Variants in FNDC3B observed in about 807,000 individuals in gnomAD.
FNDC3B encodes fibronectin type III domain containing 3B.
In FNDC3B, 12 loss-of-function variants were observed where a neutral mutation model predicts 151.5. That is an observed-to-expected ratio of 0.08 (90% CI 0.05 to 0.13). The LOEUF is 0.13. Among genes scored for constraint, FNDC3B ranks in the 10% least tolerant of loss-of-function variants. The pLI is 1.00. For synonymous variants in FNDC3B, 528 were observed against 549.0 expected (o/e 0.96, Z 0.54); for missense variants, 1,214 against 1,505.3 (o/e 0.81, Z 3.20).
chr3:172,072,048 T>G (rs1717806400), intron 1 of FNDC3B, among the ~76,000 whole-genome samples: 1 of 151,068 alleles, frequency 6.6e-6, no homozygotes. Context: ...AGTTCATATG[T>G]CGGAAACTCA....
At chr3:172,229,932 T>C (rs1418413487) in intron 4 of FNDC3B, among the ~76,000 whole-genome samples, 1 of 152,056 alleles carries the variant, frequency 6.6e-6, no homozygotes, top group East Asian at 1.9e-4. Context: ...TTTCAATAAA[T>C]GGTGCTGGAA....
intron 3 of FNDC3B, among the ~76,000 whole-genome samples, chr3:172,190,373 A>G (rs1016507967): frequency 6.6e-6 from 1 of 152,232 alleles, no homozygotes; most frequent in South Asian, 2.1e-4. Context: ...AGATGACTCA[A>G]CAGCTATGGG....
intron 23 of FNDC3B, among the ~76,000 whole-genome samples, chr3:172,375,831 G>C (rs1735106350): frequency 6.6e-6 from 1 of 152,098 alleles, no homozygotes; most frequent in Non-Finnish European, 1.5e-5. Flanking sequence ...GGAGCACCTG[G>C]CTGCCAGTTC....
chr3:172,350,304 C>T (rs572829240), intron 21 of FNDC3B, among the ~76,000 whole-genome samples: 4 of 152,254 alleles, frequency 2.6e-5, no homozygotes, highest in South Asian at 2.1e-4. Flanking sequence ...AATTAACTAA[C>T]CTAAGATCAC....
chr3:172,083,795 AAAAG>A (rs1480540500), intron 1 of FNDC3B, among the ~76,000 whole-genome samples: 1 of 152,198 alleles, frequency 6.6e-6, no homozygotes, highest in Admixed American at 6.5e-5. Flanking sequence ...AAAAAATACT[AAAAG>A]AAATCAGGAA....
chr3:172,397,684 AG>A lies in FNDC3B; in HGVS notation c.*210del. The A allele has an allele frequency of 4.2e-6, 1 of 239,088 alleles. No individual in the cohort carries two copies. The highest frequency in any genetic ancestry group is 6.7e-6 in the Non-Finnish European group (1 of 149,772). The allele number at this position is 239,088 out of a possible 1,614,324, so 14.8% of individuals were successfully genotyped here. On this transcript the variant is annotated 3_prime_UTR_variant, in exon 26 of 26. Coordinates refer to ENST00000415807, the MANE Select transcript of FNDC3B (RefSeq NM_022763.4). ...AACTGGATTTTTTTTTTTAAAAAAA[AG>A]AAAAAAAAAGAAGAAAAGTATACCA...
intron 6 of FNDC3B, among the ~76,000 whole-genome samples, chr3:172,270,335 G>C (rs376634614): frequency 6.6e-6 from 1 of 152,124 alleles, no homozygotes; most frequent in Non-Finnish European, 1.5e-5. Flanking sequence ...TTTTCCTTTC[G>C]AACTTAGCAT....
rs557647485 is a variant in FNDC3B at position 172,268,537 on chromosome 3, A to G, written c.790+16996A>G. Among the ~76,000 whole-genome samples the G allele has an allele frequency of 2.0e-5, 3 of 152,362 alleles. No individual in the cohort carries two copies. The South Asian group carries it at 6.2e-4, about 32-fold the overall frequency. ...ACAGAGAACGGCAGATACAAATACC[A>G]TGACACTCTGTACATGGGAATAGAG... On this transcript the variant is annotated intron_variant, in intron 6 of 25. Transcript: ENST00000415807.
chr3:172,392,598 G>A (rs144976691), intron 25 of FNDC3B, among the ~76,000 whole-genome samples: 126 of 152,062 alleles, frequency 8.3e-4, no homozygotes, highest in Non-Finnish European at 1.4e-3. Context: ...GGAATGTCCT[G>A]TTTCTTGGTG....
At chr3:172,299,532 C>CT (rs1029094441) in intron 9 of FNDC3B, among the ~76,000 whole-genome samples, 1 of 151,940 alleles carries the variant, frequency 6.6e-6, no homozygotes, top group Non-Finnish European at 1.5e-5. Flanking sequence ...ACTAAAAAAA[C>CT]TTTTTTTTAA....
chr3:172,247,925 T>G (rs768546264), intron 5 of FNDC3B, 149 bp downstream of exon 5: 4 of 833,254 alleles, frequency 4.8e-6, no homozygotes, highest in Non-Finnish European at 7.4e-6. Context: ...CTAGCTTCCT[T>G]TGTCCTGAAT....
intron 3 of FNDC3B, among the ~76,000 whole-genome samples, chr3:172,202,405 C>T (rs1725202003): frequency 6.6e-6 from 1 of 152,118 alleles, no homozygotes; most frequent in South Asian, 2.1e-4. Flanking sequence ...CTTGCTTTGG[C>T]TTTTTTTCGG....
chr3:172,263,649 C>A (rs1257250367), intron 6 of FNDC3B, among the ~76,000 whole-genome samples: 1 of 132,906 alleles, frequency 7.5e-6, no homozygotes, highest in Non-Finnish European at 1.5e-5. Context: ...ACTACTTACA[C>A]TATCATCCAT....
chr3:172,365,495 T>C (rs1734575837), intron 23 of FNDC3B, among the ~76,000 whole-genome samples: 1 of 152,210 alleles, frequency 6.6e-6, no homozygotes, highest in Admixed American at 6.5e-5. Context: ...GCATATTTCA[T>C]GTAAATAAAA....
intron 11 of FNDC3B, among the ~76,000 whole-genome samples, chr3:172,318,425 A>G (rs1731921172): frequency 6.6e-6 from 1 of 152,222 alleles, no homozygotes; most frequent in African/African-American, 2.4e-5. Context: ...GAAGATAATC[A>G]GTAAGAGATC....
chr3:172,306,708 G>A lies in FNDC3B; in HGVS notation c.1062-655G>A, dbSNP rs549461057. Reference sequence around the variant, plus strand: ...GGAGAAATCAAGCACATATGTTGCAGTGTTGAGCCAAACATTTTAGTGTAC... The same window carrying A: ...GGAGAAATCAAGCACATATGTTGCAATGTTGAGCCAAACATTTTAGTGTAC... On this transcript the variant is annotated intron_variant, in intron 9 of 25. Transcript: ENST00000415807. 2.0e-5 allele frequency among the ~76,000 whole-genome samples: 3 copies of A among 152,300 alleles called. No individual in the cohort carries two copies. The South Asian group carries it at 6.2e-4, about 32-fold the overall frequency.
Position 172,275,062 on chromosome 3 carries a change from C to G in FNDC3B, c.791-10864C>G, listed in dbSNP as rs138363902. ...ATTTCTCACCCAGATTAGTCCATGA[C>G]CTAAATGGCCGCTTTTGCTCACAAC... is the stretch of plus-strand genomic sequence containing the variant. On this transcript the variant is annotated intron_variant, in intron 6 of 25. Transcript: ENST00000415807. 1.0e-3 allele frequency among the ~76,000 whole-genome samples: 158 copies of G among 152,190 alleles called. 1 individual carries two copies. The highest frequency in any genetic ancestry group is 1.6e-3 in the Non-Finnish European group (110 of 68,000).
chr3:172,345,605 T>C (rs1733573033), intron 19 of FNDC3B, among the ~76,000 whole-genome samples: 1 of 152,190 alleles, frequency 6.6e-6, no homozygotes, highest in African/African-American at 2.4e-5. Flanking sequence ...GCCGTCTTTT[T>C]TCTCTCATTT....
chr3:172,172,496 T>G (rs1295476600), intron 3 of FNDC3B, among the ~76,000 whole-genome samples: 2 of 152,200 alleles, frequency 1.3e-5, no homozygotes, highest in Non-Finnish European at 1.5e-5. Context: ...TTTTTTGTTG[T>G]CATTGTTCCT....
Sources: gnomAD v4.1 joint callset for allele counts (sites outside exome capture counted in the v4.1 genomes callset) on GRCh38, gnomAD v4.1.1 for gene constraint, MANE v1.5 for transcripts, NCBI Gene and HGNC (gene_info 2026-07-23, HGNC 2026-07-21) for gene names.